PTPRR: variants seen among roughly 807,000 people sequenced by gnomAD.
The protein encoded by PTPRR is receptor-type tyrosine-protein phosphatase R.
A neutral mutation model predicts 77.2 loss-of-function variants in PTPRR; 38 were observed. That is an observed-to-expected ratio of 0.49 (90% CI 0.38 to 0.65). PTPRR has a LOEUF of 0.65. PTPRR is among the 30% of genes least tolerant of loss of function. The pLI is 0.00. For synonymous variants in PTPRR, 299 were observed against 283.1 expected (o/e 1.06, Z -0.57); for missense variants, 744 against 799.2 (o/e 0.93, Z 0.83).
intron 2 of PTPRR, among the ~76,000 whole-genome samples, chr12:70,831,931 C>T (rs530361826): frequency 6.6e-6 from 1 of 152,310 alleles, no homozygotes; most frequent in African/African-American, 2.4e-5. Flanking sequence ...CCAATTTTTA[C>T]TCACCAACAG....
At chr12:70,762,287 A>C (rs952146272) in intron 3 of PTPRR, among the ~76,000 whole-genome samples, 6 of 150,682 alleles carry the variant, frequency 4.0e-5, no homozygotes, top group Non-Finnish European at 8.9e-5. Context: ...GATATCCTAC[A>C]CACACATACA....
chr12:70,644,126 A>G (rs1285841146), intron 13 of PTPRR, among the ~76,000 whole-genome samples: 1 of 152,200 alleles, frequency 6.6e-6, no homozygotes, highest in African/African-American at 2.4e-5. Context: ...TACTTTCCCA[A>G]TAAATACTTG....
intron 2 of PTPRR, among the ~76,000 whole-genome samples, chr12:70,887,521 A>G (rs1403209925): frequency 6.6e-6 from 1 of 152,172 alleles, no homozygotes; most frequent in African/African-American, 2.4e-5. Flanking sequence ...AAAAAATGCA[A>G]TAAGAAATCT....
intron 10 of PTPRR, among the ~76,000 whole-genome samples, chr12:70,679,819 T>C (rs548572248): frequency 5.3e-5 from 8 of 152,266 alleles, no homozygotes; most frequent in African/African-American, 1.9e-4. Flanking sequence ...TATAGGTGAG[T>C]CTTGCGTTTT....
At chr12:70,905,307 CAGG>C (rs1295050274) in intron 1 of PTPRR, among the ~76,000 whole-genome samples, 14 of 151,696 alleles carry the variant, frequency 9.2e-5, no homozygotes, top group Admixed American at 9.2e-4. Flanking sequence ...TGAAAGGTTT[CAGG>C]AGAATGGAGA....
chr12:70,913,242 TAAAGAC>T (rs1268616811), intron 1 of PTPRR, among the ~76,000 whole-genome samples: 3 of 152,148 alleles, frequency 2.0e-5, no homozygotes, highest in Admixed American at 6.5e-5. Context: ...TATGGTTCTA[TAAAGAC>T]TGTATACACA....
chr12:70,711,270 C>T (rs1157400998), intron 6 of PTPRR, among the ~76,000 whole-genome samples: 1 of 151,990 alleles, frequency 6.6e-6, no homozygotes, highest in Non-Finnish European at 1.5e-5. Context: ...GGCCATTAGC[C>T]TTAGCAAACT....
At chr12:70,751,136 A>T (rs1287689706) in intron 5 of PTPRR, among the ~76,000 whole-genome samples, 1 of 152,144 alleles carries the variant, frequency 6.6e-6, no homozygotes, top group Non-Finnish European at 1.5e-5. Context: ...GAACCATCTG[A>T]ACACGCTCAT....
intron 10 of PTPRR, chr12:70,672,096 C>G (rs1455134334): frequency 7.2e-7 from 1 of 1,379,522 alleles, no homozygotes; most frequent in Non-Finnish European, 1.0e-6. Context: ...GCCTTTGACT[C>G]TATGCTCCCC....
At chr12:70,903,418 C>T (rs1893572541) in intron 1 of PTPRR, among the ~76,000 whole-genome samples, 2 of 151,546 alleles carry the variant, frequency 1.3e-5, no homozygotes, top group Admixed American at 1.3e-4. Context: ...AAAATAACTG[C>T]TAAATAAAAT....
chr12:70,893,075 T>A, intron 1 of PTPRR, 98 bp from the exon 2 acceptor site: 1 of 1,314,168 alleles, frequency 7.6e-7, no homozygotes, highest in Non-Finnish European at 1.0e-6. Context: ...TGAGAGGCTT[T>A]AAGACTTGTG....
intron 2 of PTPRR, among the ~76,000 whole-genome samples, chr12:70,867,095 CA>C: frequency 1.3e-5 from 2 of 148,796 alleles, no homozygotes; most frequent in Admixed American, 6.7e-5. Context: ...ACTGAATGGG[CA>C]AAAACTGGAA....
chr12:70,673,764 C>T lies in PTPRR; in HGVS notation c.1497+10363G>A, dbSNP rs146115837. Among the ~76,000 whole-genome samples the T allele has an allele frequency of 3.5e-3, 527 of 152,174 alleles. 3 individuals are homozygous for T. Among genetic ancestry groups the T allele is most frequent in the African/African-American group, 0.011 (476 of 41,530 alleles). On this transcript the variant is annotated intron_variant, in intron 10 of 13. Transcript: ENST00000283228. Reference sequence around the variant, plus strand: ...GGGTAAGGCATTTTGCTCAGATCTACGAAATGGTGCTAAATATTGCATGAA... The same window carrying T: ...GGGTAAGGCATTTTGCTCAGATCTATGAAATGGTGCTAAATATTGCATGAA...
chr12:70,662,850 A>T (rs1274677212), intron 10 of PTPRR, among the ~76,000 whole-genome samples: 1 of 152,032 alleles, frequency 6.6e-6, no homozygotes, highest in African/African-American at 2.4e-5. Flanking sequence ...CCTATTAAAC[A>T]CTGTCACTGC....
At chr12:70,645,984 G>A (rs980357701) in intron 13 of PTPRR, among the ~76,000 whole-genome samples, 2 of 152,094 alleles carry the variant, frequency 1.3e-5, no homozygotes, top group African/African-American at 2.4e-5. Flanking sequence ...CTTTCCTGTC[G>A]TACCGCCCAG....
chr12:70,718,220 A>G (rs1206798634), intron 6 of PTPRR, among the ~76,000 whole-genome samples: 1 of 151,908 alleles, frequency 6.6e-6, no homozygotes, highest in Non-Finnish European at 1.5e-5. Context: ...TTAACACTGG[A>G]AGCTATACTT....
intron 6 of PTPRR, among the ~76,000 whole-genome samples, chr12:70,723,055 C>T (rs1265655254): frequency 6.6e-6 from 1 of 152,124 alleles, no homozygotes; most frequent in East Asian, 1.9e-4. Context: ...TGCCAGATGT[C>T]GACCACTGAT....
At chr12:70,862,436 T>C (rs1892768575) in intron 2 of PTPRR, among the ~76,000 whole-genome samples, 1 of 151,974 alleles carries the variant, frequency 6.6e-6, no homozygotes. Context: ...TCATGTCCTT[T>C]GTAGGGACAT....
chr12:70,667,058 C>G (rs1042611962), intron 10 of PTPRR, among the ~76,000 whole-genome samples: 3 of 149,730 alleles, frequency 2.0e-5, no homozygotes, highest in African/African-American at 7.4e-5. Flanking sequence ...CAGGTTCACC[C>G]CATTCTCCTG....
Sources: allele counts gnomAD v4.1 joint callset (sites outside exome capture counted in the v4.1 genomes callset), GRCh38; gene constraint gnomAD v4.1.1; transcripts MANE v1.5; gene names NCBI Gene and HGNC (gene_info 2026-07-23, HGNC 2026-07-21).